The following POC1A variants were observed in gnomAD, a reference collection of about 807,000 sequenced individuals.
The protein encoded by POC1A is POC1 centriolar protein homolog A.
POC1A carries 34 observed loss-of-function variants against 47.8 expected under a neutral mutation model. That is an observed-to-expected ratio of 0.71 (90% CI 0.54 to 0.95). POC1A has a LOEUF of 0.95. Among genes scored for constraint, POC1A ranks in the 40% least tolerant of loss-of-function variants. The pLI is 0.00. For missense variants in POC1A, 466 were observed against 528.3 expected (o/e 0.88, Z 1.16); for synonymous variants, 177 against 207.6 (o/e 0.85, Z 1.27).
At position 52,151,104 on chromosome 3, in the gene POC1A, A is replaced by T; in HGVS notation, c.19-4T>A. ...GCCTTTCCAGCGAGGGGTCCTCCTG[A>T]GAGAGAGCCAGGGTCAAATGTGTGA... On this transcript the variant is annotated splice_region_variant and splice_polypyrimidine_tract_variant and intron_variant, in intron 1 of 10. Coordinates refer to ENST00000296484, the MANE Select transcript of POC1A (RefSeq NM_015426.5). The T allele has an allele frequency of 6.2e-7, 1 of 1,613,328 alleles. No homozygotes were observed. Among genetic ancestry groups the T allele is most frequent in the Non-Finnish European group, 8.5e-7 (1 of 1,179,574 alleles).
intron 9 of POC1A, among the ~76,000 whole-genome samples, chr3:52,114,074 A>G (rs1703474586): frequency 6.6e-6 from 1 of 152,194 alleles, no homozygotes; most frequent in African/African-American, 2.4e-5. Context: ...ACGCCACCTC[A>G]GGCTGGGTCC....
chr3:52,130,169 C>G (rs1704159637), intron 7 of POC1A, among the ~76,000 whole-genome samples: 1 of 152,236 alleles, frequency 6.6e-6, no homozygotes, highest in Non-Finnish European at 1.5e-5. Context: ...TGTTGACTCT[C>G]ATATGCACAG....
chr3:52,092,175 G>C (rs1042515112), intron 10 of POC1A, among the ~76,000 whole-genome samples: 3 of 152,214 alleles, frequency 2.0e-5, no homozygotes, highest in Non-Finnish European at 2.9e-5. Flanking sequence ...GGGGCAAGGA[G>C]GGGTCATCCC....
chr3:52,124,859 A>G (rs893193203), intron 8 of POC1A, among the ~76,000 whole-genome samples: 1 of 152,188 alleles, frequency 6.6e-6, no homozygotes, highest in Non-Finnish European at 1.5e-5. Context: ...CCTTCCACTA[A>G]GCGCTAGCCT....
At chr3:52,146,156 C>T (rs1698357515) in intron 5 of POC1A, among the ~76,000 whole-genome samples, 195 bp from the exon 6 acceptor site, 1 of 152,224 alleles carries the variant, frequency 6.6e-6, no homozygotes, top group Non-Finnish European at 1.5e-5. Flanking sequence ...GAACAGTGGC[C>T]AGCAACAAAC....
chr3:52,118,150 G>A (rs559608510), intron 9 of POC1A, among the ~76,000 whole-genome samples: 1 of 152,262 alleles, frequency 6.6e-6, no homozygotes, highest in South Asian at 2.1e-4. Flanking sequence ...TCATTTGCCT[G>A]CAAGTGGCTC....
chr3:52,112,127 C>T (rs893537053), intron 9 of POC1A, among the ~76,000 whole-genome samples: 2 of 152,162 alleles, frequency 1.3e-5, no homozygotes, highest in Non-Finnish European at 2.9e-5. Flanking sequence ...GTTTAAAGGG[C>T]CCACGGGGCA....
At chr3:52,111,009 A>G (rs1703360612) in intron 9 of POC1A, among the ~76,000 whole-genome samples, 1 of 152,202 alleles carries the variant, frequency 6.6e-6, no homozygotes, top group Admixed American at 6.5e-5. Context: ...GCTGGACCCA[A>G]GGGCCTCCAG....
chr3:52,096,663 G>A lies in POC1A; in HGVS notation c.1031C>T (p.Ser344Phe). 6.2e-7 allele frequency: 1 copy of A among 1,611,430 alleles called. No individual in the cohort carries two copies. The highest frequency in any genetic ancestry group is 1.7e-5 in the Admixed American group (1 of 59,768). ...GGGCTCCTGGGGCTGGCTCTGCACA[G>A]ACTCCACACTCCTGCCTCTGCCTGG... ...VPPGRGRSVE[S>F]VQSQPQEPVS... The change falls in exon 10 of 11, where the codon TCT becomes TTT. Residue 344 changes from serine to phenylalanine, a missense_variant. Physicochemically the swap from Ser to Phe is radical, Grantham distance 155. Coordinates refer to ENST00000296484, the MANE Select transcript of POC1A (RefSeq NM_015426.5).
intron 7 of POC1A, among the ~76,000 whole-genome samples, chr3:52,133,982 A>G (rs1288327964): frequency 6.6e-6 from 1 of 152,232 alleles, no homozygotes; most frequent in Admixed American, 6.5e-5. Context: ...GCCATCTCTG[A>G]GGACACAGCA....
At chr3:52,089,192 G>C (rs1023344610) in intron 10 of POC1A, among the ~76,000 whole-genome samples, 1 of 151,946 alleles carries the variant, frequency 6.6e-6, no homozygotes, top group Non-Finnish European at 1.5e-5. Flanking sequence ...CACTGGCCCT[G>C]ACCTGCGACT....
chr3:52,107,849 C>T (rs957128012), intron 9 of POC1A, among the ~76,000 whole-genome samples: 1 of 152,202 alleles, frequency 6.6e-6, no homozygotes, highest in African/African-American at 2.4e-5. Flanking sequence ...AGGAAACTAA[C>T]ACTGTGACAA....
intron 9 of POC1A, among the ~76,000 whole-genome samples, chr3:52,115,699 C>A (rs867549037): frequency 6.6e-6 from 1 of 152,050 alleles, no homozygotes; most frequent in Non-Finnish European, 1.5e-5. Flanking sequence ...TTCCACCACG[C>A]GAGGACACAG....
chr3:52,107,970 TC>T (rs1177895853), intron 9 of POC1A, among the ~76,000 whole-genome samples: 1 of 152,206 alleles, frequency 6.6e-6, no homozygotes, highest in African/African-American at 2.4e-5. Flanking sequence ...GTATTTAGCC[TC>T]CTCCCATCTG....
In POC1A at chr3:52,145,854, T is replaced by C. The variant is rs774277791; in HGVS notation, c.671A>G (p.His224Arg). ...GGCTGTTCACCACTCACACTGATAA[T>C]GCTGCAGCAGCCGGTGAGTCCGCAC... Reference protein sequence around the residue: ...WDVRTHRLLQHYQLHSAAVNG... With the variant: ...WDVRTHRLLQRYQLHSAAVNG... The change falls in exon 6 of 11, where the codon CAT (histidine) becomes CGT (arginine). Residue 224 changes from histidine to arginine, a missense_variant. By Grantham distance (29) the His-to-Arg change is conservative. Coordinates refer to ENST00000296484, the MANE Select transcript of POC1A (RefSeq NM_015426.5). 1.2e-6 allele frequency: 2 copies of C among 1,611,340 alleles called. No homozygotes were observed. Among genetic ancestry groups the C allele is most frequent in the Admixed American group, 3.3e-5 (2 of 60,016 alleles).
chr3:52,078,837 C>T (rs1702198584), intron 10 of POC1A, among the ~76,000 whole-genome samples: 1 of 152,256 alleles, frequency 6.6e-6, no homozygotes, highest in Admixed American at 6.5e-5. Context: ...TGTGCCTTCC[C>T]TCTACAAGGG....
At chr3:52,082,530 A>G (rs912771644) in intron 10 of POC1A, among the ~76,000 whole-genome samples, 3 of 152,092 alleles carry the variant, frequency 2.0e-5, no homozygotes, top group Non-Finnish European at 2.9e-5. Flanking sequence ...CCCCCAGGAG[A>G]GGGTGAACAA....
intron 10 of POC1A, among the ~76,000 whole-genome samples, chr3:52,095,029 G>A (rs1702766278): frequency 6.6e-6 from 1 of 152,202 alleles, no homozygotes; most frequent in Non-Finnish European, 1.5e-5. Flanking sequence ...ATACTCCTCT[G>A]GATCCAATGA....
rs144940709 is a variant in POC1A, at chr3:52,153,861, C to T, written c.18+494G>A. 1.5e-3 allele frequency among the ~76,000 whole-genome samples: 232 copies of T among 152,382 alleles called. 1 individual carries two copies. The highest frequency in any genetic ancestry group is 4.7e-3 in the African/African-American group (195 of 41,600). ...AATCAGCCAGAGGGCCTTGCCCGTT[C>T]AAAGGAATCTCTCGAAATGAGGACT... On this transcript the variant is annotated intron_variant, in intron 1 of 10. Transcript: ENST00000296484.
Sources: gnomAD v4.1 joint callset for allele counts (sites outside exome capture counted in the v4.1 genomes callset) on GRCh38, gnomAD v4.1.1 for gene constraint, MANE v1.5 for transcripts, NCBI Gene and HGNC (gene_info 2026-07-23, HGNC 2026-07-21) for gene names.